Variants in TARDBP observed in about 807,000 individuals in gnomAD.
The protein encoded by TARDBP is TAR DNA binding protein.
A neutral mutation model predicts 38.3 loss-of-function variants in TARDBP; 4 were observed. That is an observed-to-expected ratio of 0.10 (90% CI 0.05 to 0.24). The LOEUF (loss-of-function observed/expected upper bound fraction) is 0.24, where lower values mean the gene tolerates loss of function less well. Among genes scored for constraint, TARDBP ranks in the 10% least tolerant of loss-of-function variants. The probability of loss-of-function intolerance (pLI) is 1.00; values close to 1 mark genes in which losing one functional copy is unlikely to be tolerated. For synonymous variants in TARDBP, 184 were observed against 183.8 expected (o/e 1.00, Z -0.01); for missense variants, 202 against 521.9 (o/e 0.39, Z 5.97).
intron 5 of TARDBP, among the ~76,000 whole-genome samples, chr1:11,021,700 G>C (rs1000782499): frequency 6.6e-6 from 1 of 152,162 alleles, no homozygotes; most frequent in African/African-American, 2.4e-5. Flanking sequence ...GCCTCCAGGG[G>C]GAGGATCCTC....
intron 2 of TARDBP, 38 bp downstream of exon 2, chr1:11,014,003 G>T: frequency 6.3e-7 from 1 of 1,586,656 alleles, no homozygotes; most frequent in Non-Finnish European, 8.7e-7. Context: ...ATGCTGAAGT[G>T]TGTTCAGGTG....
rs567472855 is a variant in TARDBP at position 11,012,865 on chromosome 1, C to G, written c.-13+122C>G. ...CGGGAAGTCAGCCGTGAGACCGGGC[C>G]TAGTCCTGCCCGAGCGGGCTCGCGC... On this transcript the variant is annotated intron_variant, in intron 1 of 5. Transcript: ENST00000240185. The G allele has an allele frequency of 5.9e-5, 9 of 152,478 alleles. No homozygotes were observed. In the East Asian group the frequency reaches 1.7e-3, roughly 29 times the overall value. The allele number at this position is 152,478 out of a possible 1,614,324, so 9.4% of individuals were successfully genotyped here. A position where few individuals can be genotyped will look rare whatever the true frequency, so the allele number is the denominator to read the frequency against.
chr1:11,021,738 C>G (rs1643642871), intron 5 of TARDBP, among the ~76,000 whole-genome samples: 1 of 152,198 alleles, frequency 6.6e-6, no homozygotes, highest in African/African-American at 2.4e-5. Context: ...GTAGCTAGGA[C>G]AGATGCATGC....
At chr1:11,027,549 G>A (rs1182345879), downstream of TARDBP, 2 of 1,614,168 alleles carry the variant, frequency 1.2e-6, no homozygotes, top group East Asian at 2.2e-5. Flanking sequence ...TGCTGCTGTG[G>A]TTCCACCTAA....
downstream of TARDBP, chr1:11,026,772 G>A (rs947887115): frequency 6.9e-6 from 6 of 871,266 alleles, no homozygotes; most frequent in Middle Eastern, 3.6e-4. Context: ...TTTTTGGGTG[G>A]AGCAACAACT....
Position 11,022,583 on chromosome 1 carries a change from G to C in TARDBP, c.1174G>C (p.Gly392Arg). 6.3e-7 allele frequency: 1 copy of C among 1,585,550 alleles called. No homozygotes were observed. Among genetic ancestry groups the C allele is most frequent in the Non-Finnish European group, 8.6e-7 (1 of 1,164,674 alleles). ...TGGTTGGGGATCAGCATCCAATGCAGGGTCGGGCAGTGGTTTTAATGGAGG... is the reference window on the plus strand; with the variant it reads ...TGGTTGGGGATCAGCATCCAATGCACGGTCGGGCAGTGGTTTTAATGGAGG... ...AIGWGSASNAGSGSGFNGGFG... is the reference protein window; with the variant it reads ...AIGWGSASNARSGSGFNGGFG... Residue 392 changes from glycine (G) to arginine (R), a missense_variant, in exon 6 of 6, where the codon GGG (glycine) becomes CGG (arginine). Around this residue, in one of 5 missense-constraint regions of TARDBP, gnomAD observed 107 missense variants for 190.5 expected, o/e 0.56. Transcript: ENST00000240185. The surrounding 1 kb of genome is among the most constrained non-coding windows in gnomAD (Gnocchi z 4.5).
At position 11,023,397 on chromosome 1, in the gene TARDBP, C is replaced by T. The variant is rs1478081117; in HGVS notation, c.*743C>T. 10 of 852,998 alleles carry T rather than the reference C, an allele frequency of 1.2e-5. No individual in the cohort carries two copies. Among genetic ancestry groups the T allele is most frequent in the Non-Finnish European group, 1.3e-5 (7 of 548,622 alleles). 52.8% of individuals were successfully genotyped at this position (852,998 alleles called of 1,614,324 possible). On this transcript the variant is annotated 3_prime_UTR_variant, in exon 6 of 6. Transcript: ENST00000240185. ...TCGTATCAACGCTATGAACGCAAGG[C>T]TGTGATATGGAACCAGAAGGCTGTC...
downstream of TARDBP, chr1:11,027,389 T>G: frequency 6.2e-7 from 1 of 1,614,228 alleles, no homozygotes; most frequent in Non-Finnish European, 8.5e-7. Context: ...AACCTTCATG[T>G]ATAAAAACAG....
chr1:11,013,906 T>C lies in TARDBP; in HGVS notation c.179T>C (p.Ile60Thr), dbSNP rs1643464740. Residue 60 changes from isoleucine to threonine, a missense_variant, in exon 2 of 6, where the codon ATT (isoleucine) becomes ACT (threonine). Physicochemically the swap from Ile to Thr is moderately conservative, Grantham distance 89. Coordinates refer to ENST00000240185, the MANE Select transcript of TARDBP (RefSeq NM_007375.4). The stretch of plus-strand genomic sequence containing the variant: ...AGAGGTGTCCGGCTGGTAGAAGGAA[T>C]TCTGCATGCCCCAGATGCTGGCTGG... ...CMRGVRLVEG[I>T]LHAPDAGWGN... 1 of 1,614,204 alleles carries C rather than the reference T, an allele frequency of 6.2e-7. No individual in the cohort carries two copies. The highest frequency in any genetic ancestry group is 8.5e-7 in the Non-Finnish European group (1 of 1,180,038).
At chr1:11,019,062 C>A (rs1233408116) in intron 4 of TARDBP, 189 bp downstream of exon 4, 24 of 701,914 alleles carry the variant, frequency 3.4e-5, no homozygotes, top group Non-Finnish European at 4.4e-5. Context: ...TAGTTTATTA[C>A]TTCTCCAAAC....
downstream of TARDBP, among the ~76,000 whole-genome samples, chr1:11,028,565 C>T (rs1171918769): frequency 6.6e-6 from 1 of 152,034 alleles, no homozygotes; most frequent in Non-Finnish European, 1.5e-5. Flanking sequence ...ATTAATGTAG[C>T]ATATATGTTT....
At chr1:11,017,042 C>T (rs981018673) in intron 3 of TARDBP, 35 bp downstream of exon 3, 2 of 1,605,892 alleles carry the variant, frequency 1.2e-6, no homozygotes, top group Non-Finnish European at 1.7e-6. Flanking sequence ...TTTTTCTTTA[C>T]CAGTGAATGA....
Position 11,018,735 on chromosome 1 carries a change from C to T in TARDBP, c.405C>T (p.Val135=). 1 of 1,614,114 alleles carries T rather than the reference C, an allele frequency of 6.2e-7. No individual in the cohort carries two copies. The highest frequency in any genetic ancestry group is 8.5e-7 in the Non-Finnish European group (1 of 1,180,028). Residue 135 remains valine, a splice_region_variant and synonymous_variant, in exon 4 of 6, where the codon GTC becomes GTT. Coordinates refer to ENST00000240185, the MANE Select transcript of TARDBP (RefSeq NM_007375.4). Reference sequence around the variant, plus strand: ...TAAACTTGTATCATCCTTTCTAGGTCAAGAAAGATCTTAAGACTGGTCATT... The same window carrying T: ...TAAACTTGTATCATCCTTTCTAGGTTAAGAAAGATCTTAAGACTGGTCATT... ...STFGEVLMVQ[V]KKDLKTGHSK... is the part of the protein sequence containing the mutation.
At position 11,021,983 on chromosome 1, in the gene TARDBP, G is replaced by T. The variant is rs980814909; in HGVS notation, c.715-141G>T. The T allele has an allele frequency of 6.6e-6, 6 of 911,512 alleles. 1 individual carries two copies. The highest frequency in any genetic ancestry group is 3.0e-5 in the South Asian group (2 of 66,456). 56.5% of individuals were successfully genotyped at this position (911,512 alleles called of 1,614,324 possible). On this transcript the variant is annotated intron_variant, in intron 5 of 5. Coordinates refer to ENST00000240185, the MANE Select transcript of TARDBP (RefSeq NM_007375.4). The stretch of plus-strand genomic sequence containing the variant: ...AATAAAACTAAAAGCTGTATTGGGG[G>T]TTTAAATGAAATGAGTGTTCATTGC...
chr1:11,025,842 A>T (rs1408653423), downstream of TARDBP: 1 of 154,826 alleles, frequency 6.5e-6, no homozygotes, highest in African/African-American at 2.4e-5. Context: ...TCCGTAATCC[A>T]AGAGATAATG....
Position 11,023,501 on chromosome 1 carries a change from C to T in TARDBP, c.*847C>T. 3 of 531,016 alleles carry T rather than the reference C, an allele frequency of 5.6e-6. No individual in the cohort carries two copies. Among genetic ancestry groups the T allele is most frequent in the East Asian group, 2.9e-5 (1 of 34,110 alleles). 32.9% of individuals were successfully genotyped at this position (531,016 alleles called of 1,614,324 possible). ...TAGTATGAGCGAGAAAAGGAGAGAGCGCGTGCAGAGACTTGGTGGTGCATA... is the reference window on the plus strand; with the variant it reads ...TAGTATGAGCGAGAAAAGGAGAGAGTGCGTGCAGAGACTTGGTGGTGCATA... On this transcript the variant is annotated 3_prime_UTR_variant, in exon 6 of 6. Coordinates refer to ENST00000240185, the MANE Select transcript of TARDBP (RefSeq NM_007375.4).
chr1:11,020,630 C>A (rs759506645), intron 5 of TARDBP, 31 bp downstream of exon 5: 2 of 1,600,768 alleles, frequency 1.2e-6, no homozygotes, highest in African/African-American at 1.4e-5. Context: ...ATGTCCCGGC[C>A]GGGCGTGGTG....
At position 11,025,035 on chromosome 1, in the gene TARDBP, TG is replaced by T. The variant is rs1354264447; in HGVS notation, c.*2382del. The T allele has an allele frequency of 1.3e-5, 2 of 152,636 alleles. No individual in the cohort carries two copies. Among genetic ancestry groups the T allele is most frequent in the Admixed American group, 1.3e-4 (2 of 15,266 alleles). 9.5% of individuals were successfully genotyped at this position (152,636 alleles called of 1,614,324 possible). On this transcript the variant is annotated 3_prime_UTR_variant, in exon 6 of 6. Coordinates refer to ENST00000240185, the MANE Select transcript of TARDBP (RefSeq NM_007375.4). ...TTTCCTCTGTAAAGGGATCTTGAGT[TG>T]TTTTAATTTTTTTTTTCTGCATCTG...
At chr1:11,017,580 T>C (rs1643553380) in intron 3 of TARDBP, among the ~76,000 whole-genome samples, 1 of 152,202 alleles carries the variant, frequency 6.6e-6, no homozygotes, top group South Asian at 2.1e-4. Context: ...TATACATATA[T>C]GTTGTACCCT....
Sources: allele counts gnomAD v4.1 joint callset (sites outside exome capture counted in the v4.1 genomes callset), GRCh38; gene constraint gnomAD v4.1.1; regional missense constraint gnomAD v4.1.1; non-coding constraint Gnocchi (gnomAD v3.1); transcripts MANE v1.5; gene names NCBI Gene and HGNC (gene_info 2026-07-23, HGNC 2026-07-21).